Variants in NEGR1 observed in about 807,000 individuals in gnomAD.
NEGR1 encodes the protein neuronal growth regulator 1.
In NEGR1, 10 loss-of-function variants were observed where a neutral mutation model predicts 40.9. The ratio of observed to expected loss-of-function variants is 0.24; its 90% confidence interval spans 0.15 to 0.42. The LOEUF is 0.42. Ranked by LOEUF, NEGR1 falls within the 10% of genes least tolerant of loss-of-function variation. The pLI, the probability that NEGR1 is intolerant of heterozygous loss-of-function variation, is 1.00. For synonymous variants in NEGR1, 185 were observed against 166.8 expected (o/e 1.11, Z -0.84); for missense variants, 352 against 438.9 (o/e 0.80, Z 1.77).
intron 1 of NEGR1, among the ~76,000 whole-genome samples, chr1:72,204,411 C>G (rs1653322787): frequency 6.6e-6 from 1 of 152,060 alleles, no homozygotes; most frequent in East Asian, 1.9e-4. Context: ...GGTAAGCCAT[C>G]AGCCAATAAA....
At chr1:71,561,122 G>A (rs1285227420) in intron 6 of NEGR1, among the ~76,000 whole-genome samples, 2 of 151,612 alleles carry the variant, frequency 1.3e-5, no homozygotes, top group African/African-American at 4.8e-5. Context: ...ATTAGAAGAG[G>A]TAACCGTCAA....
At chr1:71,556,535 A>G (rs957328749) in intron 6 of NEGR1, among the ~76,000 whole-genome samples, 3 of 151,572 alleles carry the variant, frequency 2.0e-5, no homozygotes, top group African/African-American at 7.3e-5. Context: ...TATCTTGGAT[A>G]TACACAACAT....
At chr1:71,998,132 A>T (rs1290136013) in intron 1 of NEGR1, among the ~76,000 whole-genome samples, 2 of 151,944 alleles carry the variant, frequency 1.3e-5, no homozygotes, top group African/African-American at 2.4e-5. Flanking sequence ...TTTTAAGTCA[A>T]CAACCTGATT....
At chr1:72,280,862 C>G (rs1656217962) in intron 1 of NEGR1, among the ~76,000 whole-genome samples, 2 of 152,172 alleles carry the variant, frequency 1.3e-5, no homozygotes, top group South Asian at 2.1e-4. Context: ...TGATGTTGTG[C>G]AAGCCAGACT....
chr1:71,859,991 T>C (rs557840605), intron 2 of NEGR1, among the ~76,000 whole-genome samples: 5 of 152,088 alleles, frequency 3.3e-5, no homozygotes, highest in Admixed American at 2.6e-4. Flanking sequence ...CAATGATTAA[T>C]AAAAGAAGAA....
At chr1:71,623,771 T>C (rs1251614924) in intron 4 of NEGR1, among the ~76,000 whole-genome samples, 1 of 151,768 alleles carries the variant, frequency 6.6e-6, no homozygotes, top group Non-Finnish European at 1.5e-5. Context: ...AAGAGTAGTA[T>C]GGGTGTATTT....
chr1:71,766,854 A>AG (rs1656151478), intron 3 of NEGR1, among the ~76,000 whole-genome samples: 11 of 152,090 alleles, frequency 7.2e-5, no homozygotes, highest in Non-Finnish European at 1.5e-4. Flanking sequence ...CTTGTTGTTT[A>AG]AAAGAGTGGA....
chr1:71,613,041 A>G (rs1650313721), intron 4 of NEGR1, among the ~76,000 whole-genome samples: 1 of 152,168 alleles, frequency 6.6e-6, no homozygotes, highest in African/African-American at 2.4e-5. Context: ...ATAAAATCTG[A>G]TTGTTTTTTT....
intron 1 of NEGR1, among the ~76,000 whole-genome samples, chr1:72,155,608 T>G (rs978698794): frequency 6.6e-6 from 1 of 152,212 alleles, no homozygotes; most frequent in African/African-American, 2.4e-5. Context: ...TGATATAAAA[T>G]ATTTTTAACA....
At chr1:71,959,450 T>C (rs1355547395) in intron 1 of NEGR1, among the ~76,000 whole-genome samples, 1 of 152,126 alleles carries the variant, frequency 6.6e-6, no homozygotes, top group African/African-American at 2.4e-5. Context: ...AATAACTCAC[T>C]TTCTCTATAT....
At chr1:71,710,933 C>A (rs1228952247) in intron 3 of NEGR1, among the ~76,000 whole-genome samples, 1 of 152,030 alleles carries the variant, frequency 6.6e-6, no homozygotes, top group East Asian at 1.9e-4. Context: ...GGGATGGATA[C>A]CCCATTCTCC....
At chr1:71,741,943 C>T (rs968102687) in intron 3 of NEGR1, among the ~76,000 whole-genome samples, 3 of 152,120 alleles carry the variant, frequency 2.0e-5, no homozygotes, top group African/African-American at 7.2e-5. Context: ...TGGTGCTAAA[C>T]CATTCATGAT....
At chr1:72,273,875 C>T (rs376245128) in intron 1 of NEGR1, among the ~76,000 whole-genome samples, 4 of 151,460 alleles carry the variant, frequency 2.6e-5, no homozygotes, top group African/African-American at 9.7e-5. Context: ...TTCACTTACC[C>T]TTCCATTGAT....
chr1:72,247,476 C>A (rs1654938705), intron 1 of NEGR1, among the ~76,000 whole-genome samples: 1 of 152,174 alleles, frequency 6.6e-6, no homozygotes, highest in African/African-American at 2.4e-5. Context: ...TTTAAATCAT[C>A]ACTCTGACCT....
rs114775222 is a variant in NEGR1 at position 71,668,717 on chromosome 1, C to T, written c.667+29291G>A. ...ATTTCCTGGAAACCCAGGAAAAGAA[C>T]AAAAAATGAGAATGCCTTGTGTAGA... On this transcript the variant is annotated intron_variant, in intron 4 of 6. Transcript: ENST00000357731. 2.4e-3 allele frequency among the ~76,000 whole-genome samples: 366 copies of T among 151,992 alleles called. 1 individual carries two copies. The highest frequency in any genetic ancestry group is 4.4e-3 in the Non-Finnish European group (299 of 67,948).
intron 4 of NEGR1, among the ~76,000 whole-genome samples, chr1:71,618,026 T>C (rs943319882): frequency 6.6e-6 from 1 of 152,184 alleles, no homozygotes; most frequent in African/African-American, 2.4e-5. Context: ...ACAACTGTGT[T>C]CAGATCGGCA....
intron 2 of NEGR1, among the ~76,000 whole-genome samples, chr1:71,797,134 T>C (rs1349722098): frequency 6.6e-6 from 1 of 152,178 alleles, no homozygotes; most frequent in African/African-American, 2.4e-5. Context: ...ATACTTAATA[T>C]GTGTGAAACA....
At chr1:72,009,769 A>G (rs1646640497) in intron 1 of NEGR1, among the ~76,000 whole-genome samples, 1 of 152,124 alleles carries the variant, frequency 6.6e-6, no homozygotes, top group African/African-American at 2.4e-5. Flanking sequence ...TGTTATTCAT[A>G]TCTTTGGCCC....
intron 2 of NEGR1, among the ~76,000 whole-genome samples, chr1:71,807,602 A>G (rs1453962293): frequency 6.6e-6 from 1 of 152,128 alleles, no homozygotes; most frequent in Admixed American, 6.5e-5. Flanking sequence ...CTGATTTTTT[A>G]TTTTATTTGG....
Sources: gnomAD v4.1 joint callset for allele counts (sites outside exome capture counted in the v4.1 genomes callset) on GRCh38, gnomAD v4.1.1 for gene constraint, MANE v1.5 for transcripts, NCBI Gene and HGNC (gene_info 2026-07-23, HGNC 2026-07-21) for gene names.